Variants in TMEM106B observed in about 807,000 individuals in gnomAD.
TMEM106B encodes transmembrane protein 106B.
In TMEM106B, 15 loss-of-function variants were observed where a neutral mutation model predicts 31.1. The ratio of observed to expected loss-of-function variants is 0.48; its 90% CI spans 0.32 to 0.74. TMEM106B has a LOEUF of 0.74. TMEM106B is among the 30% of genes least tolerant of loss of function. The pLI, the probability that TMEM106B is intolerant of heterozygous loss-of-function variation, is 0.03. For missense variants in TMEM106B, 283 were observed against 327.3 expected, an observed-to-expected ratio of 0.86 and a Z score of 1.04; for synonymous variants, 126 against 112.5, an observed-to-expected ratio of 1.12 and a Z score of -0.76.
rs1255201498 is a variant in TMEM106B, at chr7:12,241,766, C to CA, written c.*9792dup. 1.3e-5 allele frequency: 2 copies of CA among 152,160 alleles called. No homozygotes were observed. The highest frequency in any genetic ancestry group is 3.9e-4 in the East Asian group (2 of 5,180). 9.4% of individuals were successfully genotyped at this position (152,160 alleles called of 1,614,324 possible). A position where few individuals can be genotyped will look rare whatever the true frequency, so the allele number is the denominator to read the frequency against. On this transcript the variant is annotated 3_prime_UTR_variant, in exon 8 of 8. Coordinates refer to ENST00000396668, the MANE Select transcript of TMEM106B (RefSeq NM_001134232.2). ...ATTTATAATCTTTTGGGTATACACC[C>CA]AGTAATGGGATTGCTGGGTCAAATG...
chr7:12,231,284 G>T (rs868708752), intron 7 of TMEM106B, 169 bp downstream of exon 7: 29 of 529,732 alleles, frequency 5.5e-5, no homozygotes, highest in Middle Eastern at 8.2e-4. Flanking sequence ...CGAAATGGTT[G>T]TTCAGAGAAG....
At chr7:12,231,138 A>G in intron 7 of TMEM106B, 23 bp downstream of exon 7, 1 of 1,566,034 alleles carries the variant, frequency 6.4e-7, no homozygotes, top group South Asian at 1.1e-5. Flanking sequence ...CTTTTTTGAA[A>G]GAGATTTTGC....
Position 12,233,869 on chromosome 7 carries a change from T to TA in TMEM106B, c.*1894_*1895insA, listed in dbSNP as rs1180046164. 1 of 151,586 alleles carries TA rather than the reference T, an allele frequency of 6.6e-6. No individual in the cohort carries two copies. Among genetic ancestry groups the TA allele is most frequent in the African/African-American group, 2.4e-5 (1 of 41,374 alleles). The allele number at this position is 151,586 out of a possible 1,614,324, so 9.4% of individuals were successfully genotyped here. A position where few individuals can be genotyped will look rare whatever the true frequency, so the allele number is the denominator to read the frequency against. ...TAATTATGTGACTTCAAAAATCACC[T>TA]GTATCTGTAGTAGGGCTTCCAAATC... On this transcript the variant is annotated 3_prime_UTR_variant, in exon 8 of 8. Coordinates refer to ENST00000396668, the MANE Select transcript of TMEM106B (RefSeq NM_001134232.2).
chr7:12,223,882 G>A (rs190485206), intron 3 of TMEM106B, among the ~76,000 whole-genome samples: 44 of 151,930 alleles, frequency 2.9e-4, no homozygotes, highest in African/African-American at 1.0e-3. Context: ...CACCACACCT[G>A]GCTAATTTTT....
intron 4 of TMEM106B, among the ~76,000 whole-genome samples, chr7:12,224,594 G>C (rs3800844): frequency 0.63 from 95,269 of 151,824 alleles, 30,762 homozygotes; most frequent in African/African-American, 0.79. Context: ...TATACAGAAT[G>C]ATTTAGCATT....
rs1782145160 is a variant in TMEM106B at position 12,236,748 on chromosome 7, G to A, written c.*4773G>A. On this transcript the variant is annotated 3_prime_UTR_variant, in exon 8 of 8. Coordinates refer to ENST00000396668, the MANE Select transcript of TMEM106B (RefSeq NM_001134232.2). ...ATTCATCTTTTTTATTATTGTGTCA[G>A]ATGAAACAAATGCCAAGTTGCAAAA... 6.6e-6 allele frequency: 1 copy of A among 151,992 alleles called. No individual in the cohort carries two copies. The highest frequency in any genetic ancestry group is 2.4e-5 in the African/African-American group (1 of 41,410). The allele number at this position is 151,992 out of a possible 1,614,324, so 9.4% of individuals were successfully genotyped here.
At chr7:12,218,197 A>AT (rs1039141682) in intron 2 of TMEM106B, among the ~76,000 whole-genome samples, 9 of 148,700 alleles carry the variant, frequency 6.1e-5, no homozygotes, top group African/African-American at 1.2e-4. Context: ...TAGGACTTAG[A>AT]TTTTTTTTAG....
rs1782079044 is a variant in TMEM106B at position 12,233,919 on chromosome 7, C to T, written c.*1944C>T. The T allele has an allele frequency of 6.6e-6, 1 of 151,582 alleles. No individual in the cohort carries two copies. The highest frequency in any genetic ancestry group is 2.1e-4 in the South Asian group (1 of 4,830). The allele number at this position is 151,582 out of a possible 1,614,324, so 9.4% of individuals were successfully genotyped here. On this transcript the variant is annotated 3_prime_UTR_variant, in exon 8 of 8. Coordinates refer to ENST00000396668, the MANE Select transcript of TMEM106B (RefSeq NM_001134232.2). ...CTGCTTCTCCATATGTGACCAGTCA[C>T]CTGTCTGCTTTCACATTTAGCTAGT...
intron 1 of TMEM106B, 65 bp from the exon 2 acceptor site, chr7:12,214,744 C>A (rs923578512): frequency 4.1e-5 from 51 of 1,247,844 alleles, no homozygotes; most frequent in Non-Finnish European, 5.4e-5. Context: ...GTGTAAATAT[C>A]TCAGAGTGTT....
Position 12,242,879 on chromosome 7 carries a change from A to G in TMEM106B, c.*10904A>G, listed in dbSNP as rs1418341192. 3 of 152,234 alleles carry G rather than the reference A, an allele frequency of 2.0e-5. No homozygotes were observed. Among genetic ancestry groups the G allele is most frequent in the South Asian group, 4.1e-4 (2 of 4,826 alleles). The allele number at this position is 152,234 out of a possible 1,614,324, so 9.4% of individuals were successfully genotyped here. On this transcript the variant is annotated 3_prime_UTR_variant, in exon 8 of 8. Transcript: ENST00000396668. ...AACTTTTAACTTTTCCATAGGACCT[A>G]TCACTATGTAAAATATTATACATAT...
rs1449034739 is a variant in TMEM106B, at chr7:12,234,144, G to A, written c.*2169G>A. Reference sequence around the variant, plus strand: ...AAAATCAATCCTTGTTTTCTTGCTTGTGTCTTTTAACCTTGGAAAATTACA... The same window carrying A: ...AAAATCAATCCTTGTTTTCTTGCTTATGTCTTTTAACCTTGGAAAATTACA... On this transcript the variant is annotated 3_prime_UTR_variant, in exon 8 of 8. Transcript: ENST00000396668. 1 of 151,552 alleles carries A rather than the reference G, an allele frequency of 6.6e-6. No individual in the cohort carries two copies. Among genetic ancestry groups the A allele is most frequent in the Non-Finnish European group, 1.5e-5 (1 of 67,720 alleles). 9.4% of individuals were successfully genotyped at this position (151,552 alleles called of 1,614,324 possible). A position where few individuals can be genotyped will look rare whatever the true frequency, so the allele number is the denominator to read the frequency against.
chr7:12,212,514 GAA>G (rs1189726826), intron 1 of TMEM106B, among the ~76,000 whole-genome samples: 1 of 150,698 alleles, frequency 6.6e-6, no homozygotes, highest in African/African-American at 2.4e-5. Context: ...TTGAAAGAGT[GAA>G]AATCTCATTT....
At chr7:12,224,831 G>T (rs1200000174) in intron 4 of TMEM106B, among the ~76,000 whole-genome samples, 1 of 149,918 alleles carries the variant, frequency 6.7e-6, no homozygotes, top group South Asian at 2.1e-4. Flanking sequence ...ACAGGTGACT[G>T]GTTTCTCTTT....
intron 4 of TMEM106B, 109 bp from the exon 5 acceptor site, chr7:12,229,570 C>G (rs1781973588): frequency 1.1e-6 from 1 of 944,872 alleles, no homozygotes; most frequent in Non-Finnish European, 1.5e-6. Flanking sequence ...GTATTACTTT[C>G]TTTTTCTTAA....
chr7:12,237,097 TTGC>T lies in TMEM106B; in HGVS notation c.*5125_*5127del, dbSNP rs1389787341. On this transcript the variant is annotated 3_prime_UTR_variant, in exon 8 of 8. Coordinates refer to ENST00000396668, the MANE Select transcript of TMEM106B (RefSeq NM_001134232.2). ...AGCAGTTCTGTAATTGTAATTATTA[TTGC>T]TGTTCATGTAACAAAACATGCTTAT... 7.5e-6 allele frequency: 1 copy of T among 133,840 alleles called. No individual in the cohort carries two copies. Among genetic ancestry groups the T allele is most frequent in the Non-Finnish European group, 1.6e-5 (1 of 63,276 alleles). 8.3% of individuals were successfully genotyped at this position (133,840 alleles called of 1,614,324 possible).
intron 2 of TMEM106B, among the ~76,000 whole-genome samples, chr7:12,216,993 G>C (rs545338155): frequency 6.6e-6 from 1 of 151,422 alleles, no homozygotes; most frequent in East Asian, 2.0e-4. Flanking sequence ...AAGAGAGGTA[G>C]TCATTAGAAG....
Position 12,238,813 on chromosome 7 carries a change from G to T in TMEM106B, c.*6838G>T, listed in dbSNP as rs1009439035. On this transcript the variant is annotated 3_prime_UTR_variant, in exon 8 of 8. Transcript: ENST00000396668. The stretch of plus-strand genomic sequence containing the variant: ...GGGCTTAAAATATTCAGTGAACCGT[G>T]TTGTAAACAGATGTCATATTATCCA... The T allele has an allele frequency of 6.6e-6, 1 of 152,046 alleles. No individual in the cohort carries two copies. The highest frequency in any genetic ancestry group is 1.5e-5 in the Non-Finnish European group (1 of 67,998). The allele number at this position is 152,046 out of a possible 1,614,324, so 9.4% of individuals were successfully genotyped here.
At position 12,233,876 on chromosome 7, in the gene TMEM106B, G is replaced by A. The variant is rs1445038386; in HGVS notation, c.*1901G>A. On this transcript the variant is annotated 3_prime_UTR_variant, in exon 8 of 8. Coordinates refer to ENST00000396668, the MANE Select transcript of TMEM106B (RefSeq NM_001134232.2). ...GTGACTTCAAAAATCACCTGTATCT[G>A]TAGTAGGGCTTCCAAATCTGCTTCT... The A allele has an allele frequency of 6.6e-6, 1 of 151,436 alleles. No individual in the cohort carries two copies. Among genetic ancestry groups the A allele is most frequent in the Non-Finnish European group, 1.5e-5 (1 of 67,654 alleles). 9.4% of individuals were successfully genotyped at this position (151,436 alleles called of 1,614,324 possible). A position where few individuals can be genotyped will look rare whatever the true frequency, so the allele number is the denominator to read the frequency against.
chr7:12,231,546 A>T, intron 7 of TMEM106B: 1 of 279,570 alleles, frequency 3.6e-6, no homozygotes, highest in East Asian at 6.4e-5. Flanking sequence ...ATGATAAGAG[A>T]ACCATGGTCA....
Sources: gnomAD v4.1 joint callset for allele counts (sites outside exome capture counted in the v4.1 genomes callset) on GRCh38, gnomAD v4.1.1 for gene constraint, MANE v1.5 for transcripts, NCBI Gene and HGNC (gene_info 2026-07-23, HGNC 2026-07-21) for gene names.